CD4: variants seen among roughly 807,000 people sequenced by gnomAD.
The protein encoded by CD4 is T-cell surface glycoprotein CD4.
CD4 carries 25 observed loss-of-function variants against 50.5 expected under a neutral mutation model. That is an observed-to-expected ratio of 0.49 (90% confidence interval 0.36 to 0.69). The LOEUF is 0.69. CD4 is among the 30% of genes least tolerant of loss of function. CD4 has a pLI of 0.00. For synonymous variants in CD4, 207 were observed against 221.9 expected (o/e 0.93, Z 0.60); for missense variants, 456 against 548.5 (o/e 0.83, Z 1.68).
chr12:6,800,116 CT>C lies in CD4; in HGVS notation c.-22del. 6.2e-7 allele frequency: 1 copy of C among 1,613,386 alleles called. No homozygotes were observed. The highest frequency in any genetic ancestry group is 8.5e-7 in the Non-Finnish European group (1 of 1,179,446). Reference sequence around the variant, plus strand: ...CTCAGGTCCCTACTGGCTCAGGCCCCTGCCTCCCTCGGCAAGGCCACAATGA... The same window carrying C: ...CTCAGGTCCCTACTGGCTCAGGCCCCGCCTCCCTCGGCAAGGCCACAATGA... On this transcript the variant is annotated 5_prime_UTR_variant, in exon 2 of 10. Transcript: ENST00000011653.
chr12:6,811,492 T>A (rs1208903701), intron 3 of CD4, among the ~76,000 whole-genome samples: 1 of 64,374 alleles, frequency 1.6e-5, no homozygotes. Flanking sequence ...TTTCTTTTTC[T>A]TTTTTTTTTT....
Position 6,800,449 on chromosome 12 carries a change from T to G in CD4, c.192T>G (p.Asn64Lys), listed in dbSNP as rs782714692. The G allele has an allele frequency of 1.9e-6, 3 of 1,613,714 alleles. No individual in the cohort carries two copies. The South Asian group carries it at 3.3e-5, about 18-fold the overall frequency. ...KNSNQIKILG[N>K]QGSFLTKGPS... ...CCAACCAGATAAAGATTCTGGGAAA[T>G]CAGGGCTCCTTCTTAACTAAAGGTA... Residue 64 changes from asparagine to lysine, a missense_variant, in exon 3 of 10, where the codon AAT (asparagine) becomes AAG (lysine). Coordinates refer to ENST00000011653, the MANE Select transcript of CD4 (RefSeq NM_000616.5).
intron 2 of CD4, 24 bp from the exon 3 acceptor site, chr12:6,800,283 C>T (rs1455190257): frequency 6.2e-7 from 1 of 1,613,606 alleles, no homozygotes; most frequent in African/African-American, 1.3e-5. Flanking sequence ...ACATTGAGAC[C>T]TGACTCCTTT....
intron 1 of CD4, among the ~76,000 whole-genome samples, chr12:6,790,209 T>C (rs1307038735): frequency 5.0e-4 from 1 of 2,010 alleles, no homozygotes; most frequent in African/African-American, 5.1e-3. Context: ...AAAACCAATT[T>C]TCCTTAACGG....
In CD4 at chr12:6,790,490, G is replaced by C. The variant is rs1000078109; in HGVS notation, c.-68+828G>C. ...CGTATGAATTGCCCTAAAAGTTGCA[G>C]ATACATATCTTTAGATAAATATGTC... is the stretch of plus-strand genomic sequence containing the variant. On this transcript the variant is annotated intron_variant, in intron 1 of 9. Coordinates refer to ENST00000011653, the MANE Select transcript of CD4 (RefSeq NM_000616.5). 7.2e-5 allele frequency among the ~76,000 whole-genome samples: 11 copies of C among 152,360 alleles called. No homozygotes were observed. In the South Asian group the frequency reaches 8.3e-4, roughly 11 times the overall value.
At chr12:6,795,153 CT>C (rs1309877789) in intron 1 of CD4, among the ~76,000 whole-genome samples, 4 of 151,266 alleles carry the variant, frequency 2.6e-5, no homozygotes, top group African/African-American at 7.3e-5. Context: ...ATCTTTCTGT[CT>C]AACCTAATCT....
chr12:6,813,335 A>AT (rs1456602524), intron 3 of CD4, among the ~76,000 whole-genome samples: 1 of 150,884 alleles, frequency 6.6e-6, no homozygotes, highest in African/African-American at 2.4e-5. Flanking sequence ...GGGATGAGAG[A>AT]TTTCCACCAT....
intron 3 of CD4, among the ~76,000 whole-genome samples, chr12:6,806,840 C>A (rs1253151118): frequency 6.6e-6 from 1 of 152,168 alleles, no homozygotes; most frequent in Non-Finnish European, 1.5e-5. Context: ...AATGGCAAAG[C>A]CACTCTGGAA....
intron 4 of CD4, 57 bp from the exon 5 acceptor site, chr12:6,814,702 C>G: frequency 7.9e-7 from 1 of 1,263,274 alleles, no homozygotes; most frequent in South Asian, 1.2e-5. Flanking sequence ...TTCCTGTTGT[C>G]TGCCCTTCTC....
At chr12:6,810,021 C>G (rs1942890863) in intron 3 of CD4, among the ~76,000 whole-genome samples, 1 of 151,462 alleles carries the variant, frequency 6.6e-6, no homozygotes, top group South Asian at 2.1e-4. Flanking sequence ...TCCCGAGTAA[C>G]TGGGATTACA....
Position 6,819,640 on chromosome 12 carries a change from AG to A in CD4, c.*312del. The A allele has an allele frequency of 2.4e-6, 1 of 408,852 alleles. No homozygotes were observed. Among genetic ancestry groups the A allele is most frequent in the African/African-American group, 2.0e-5 (1 of 48,864 alleles). 25.3% of individuals were successfully genotyped at this position (408,852 alleles called of 1,614,324 possible). A position where few individuals can be genotyped will look rare whatever the true frequency, so the allele number is the denominator to read the frequency against. ...GGATCCCAGGGGAGTGTTCAGGGCCAGCCCTGGCTGGCATGGAGGGTGAGGC... is the reference window on the plus strand; with the variant it reads ...GGATCCCAGGGGAGTGTTCAGGGCCACCCTGGCTGGCATGGAGGGTGAGGC... On this transcript the variant is annotated 3_prime_UTR_variant, in exon 10 of 10. Coordinates refer to ENST00000011653, the MANE Select transcript of CD4 (RefSeq NM_000616.5).
chr12:6,801,598 T>C (rs782494741), intron 3 of CD4, among the ~76,000 whole-genome samples: 6 of 151,568 alleles, frequency 4.0e-5, no homozygotes, highest in African/African-American at 1.5e-4. Flanking sequence ...TCTCGTTCTG[T>C]CGCCCAGGCT....
intron 3 of CD4, among the ~76,000 whole-genome samples, chr12:6,806,934 G>A (rs1289294340): frequency 1.3e-5 from 2 of 152,292 alleles, no homozygotes; most frequent in African/African-American, 4.8e-5. Context: ...TTGGGAGGCC[G>A]AGGCGGGTGG....
chr12:6,793,687 TCTATCTATCTATCTATC>T (rs1461068447), intron 1 of CD4, among the ~76,000 whole-genome samples: 328 of 100,234 alleles, frequency 3.3e-3, no homozygotes, highest in South Asian at 6.5e-3. Flanking sequence ...TATCTATCTA[TCTATCTATCTATCTATC>T]TTTTTTTTTT....
At chr12:6,797,899 C>A (rs1280312320) in intron 1 of CD4, among the ~76,000 whole-genome samples, 1 of 152,154 alleles carries the variant, frequency 6.6e-6, no homozygotes, top group Non-Finnish European at 1.5e-5. Flanking sequence ...GAGACAGATG[C>A]CTTCCTCTTA....
At chr12:6,817,064 A>C in intron 6 of CD4, 66 bp from the exon 7 acceptor site, 36 of 1,375,098 alleles carry the variant, frequency 2.6e-5, no homozygotes, top group African/African-American at 4.3e-5. Flanking sequence ...TCACCCATAT[A>C]GAGTATCATT....
chr12:6,797,523 C>T (rs1025617802), intron 1 of CD4, among the ~76,000 whole-genome samples: 56 of 152,214 alleles, frequency 3.7e-4, no homozygotes, highest in African/African-American at 1.2e-3. Flanking sequence ...AGGGGACCGG[C>T]GCTCAGCAAG....
Position 6,800,096 on chromosome 12 carries a change from G to A in CD4, c.-43G>A, listed in dbSNP as rs782046387. On this transcript the variant is annotated 5_prime_UTR_variant, in exon 2 of 10. Transcript: ENST00000011653. The stretch of plus-strand genomic sequence containing the variant: ...GGCCCTGCCATTTCTGTGGGCTCAG[G>A]TCCCTACTGGCTCAGGCCCCTGCCT... 3.1e-6 allele frequency: 5 copies of A among 1,592,804 alleles called. No homozygotes were observed. The highest frequency in any genetic ancestry group is 2.6e-6 in the Non-Finnish European group (3 of 1,161,102).
At chr12:6,794,278 G>A (rs1591541523) in intron 1 of CD4, among the ~76,000 whole-genome samples, 1 of 151,840 alleles carries the variant, frequency 6.6e-6, no homozygotes, top group African/African-American at 2.4e-5. Flanking sequence ...TGTTGGCCAG[G>A]CTGGTCTCCA....
Sources: gnomAD v4.1 joint callset for allele counts (sites outside exome capture counted in the v4.1 genomes callset) on GRCh38, gnomAD v4.1.1 for gene constraint, MANE v1.5 for transcripts, NCBI Gene and HGNC (gene_info 2026-07-23, HGNC 2026-07-21) for gene names.